Variants in DNAH14 observed in about 807,000 individuals in gnomAD.
The protein encoded by DNAH14 is axonemal beta dynein heavy chain 14.
DNAH14 carries 478 observed loss-of-function variants against 520.9 expected under a neutral mutation model. The ratio of observed to expected loss-of-function variants is 0.92; its 90% CI spans 0.85 to 0.99. DNAH14 has a LOEUF of 0.99. DNAH14 is among the 50% of genes least tolerant of loss of function. DNAH14 has a pLI of 0.00. For missense variants in DNAH14, 4,831 were observed against 5,234.5 expected, an observed-to-expected ratio of 0.92 and a Z score of 2.38; for synonymous variants, 1,581 against 1,757.2, an observed-to-expected ratio of 0.90 and a Z score of 2.51.
At chr1:225,225,906 C>T (rs754574692) in intron 41 of DNAH14, among the ~76,000 whole-genome samples, 7 of 152,100 alleles carry the variant, frequency 4.6e-5, no homozygotes, top group East Asian at 1.9e-4. Context: ...CTACAGGACC[C>T]GCAGTCCCAG....
In DNAH14 at chr1:225,266,670, G is replaced by T; in HGVS notation, c.7440G>T (p.Met2480Ile). 1 of 1,505,726 alleles carries T rather than the reference G, an allele frequency of 6.6e-7. No individual in the cohort carries two copies. The highest frequency in any genetic ancestry group is 8.8e-7 in the Non-Finnish European group (1 of 1,132,538). The allele number at this position is 1,505,726 out of a possible 1,614,324, so 93.3% of individuals were successfully genotyped here. ...RILIFIDDMN[M>I]PVSDMYGAQP... ...TAATATTTATTGATGATATGAATAT[G>T]CCAGTATCAGATATGTATGGAGCAC... Residue 2480 changes from methionine to isoleucine, a missense_variant, in exon 49 of 86, where the codon ATG becomes ATT. Met to Ile is a conservative substitution (Grantham distance 10, BLOSUM62 1). Transcript: ENST00000682510.
At chr1:225,156,310 A>G (rs2081035420) in intron 34 of DNAH14, among the ~76,000 whole-genome samples, 1 of 152,226 alleles carries the variant, frequency 6.6e-6, no homozygotes, top group Non-Finnish European at 1.5e-5. Flanking sequence ...TTAAAAAAAC[A>G]GAAATGTATT....
At chr1:225,107,648 A>G (rs1573148498) in intron 23 of DNAH14, among the ~76,000 whole-genome samples, 2 of 152,218 alleles carry the variant, frequency 1.3e-5, no homozygotes, top group African/African-American at 4.8e-5. Context: ...CAGGAACCCC[A>G]CCTGCCATGG....
At chr1:225,139,319 C>T (rs765016979) in intron 27 of DNAH14, among the ~76,000 whole-genome samples, 3 of 152,308 alleles carry the variant, frequency 2.0e-5, no homozygotes, top group Middle Eastern at 3.4e-3. Context: ...CCTGGTCTTC[C>T]AAACATGCTT....
chr1:225,214,141 C>T (rs1260198588), intron 41 of DNAH14, among the ~76,000 whole-genome samples: 1 of 151,990 alleles, frequency 6.6e-6, no homozygotes, highest in East Asian at 1.9e-4. Context: ...TTTTCGAAGG[C>T]CTTTTCTGTA....
intron 66 of DNAH14, among the ~76,000 whole-genome samples, chr1:225,336,641 C>T (rs971053789): frequency 2.6e-5 from 4 of 152,134 alleles, no homozygotes; most frequent in Non-Finnish European, 4.4e-5. Context: ...GCACTGTAGC[C>T]TATACCTGCA....
At chr1:225,112,726 A>G (rs906867025) in intron 23 of DNAH14, among the ~76,000 whole-genome samples, 19 of 151,784 alleles carry the variant, frequency 1.3e-4, no homozygotes, top group Non-Finnish European at 2.2e-4. Flanking sequence ...CTTCAAGCTC[A>G]CTAATTCTCT....
At chr1:225,389,684 G>A (rs2150828750) in intron 82 of DNAH14, 50 bp from the exon 83 acceptor site, 2 of 1,541,440 alleles carry the variant, frequency 1.3e-6, no homozygotes, top group Non-Finnish European at 1.8e-6. Flanking sequence ...ACCCAAAGGT[G>A]TGCAATTATT....
At position 225,152,888 on chromosome 1, in the gene DNAH14, A is replaced by T; in HGVS notation, c.5196+5A>T. On this transcript the variant is annotated splice_donor_5th_base_variant and intron_variant, in intron 33 of 85. Coordinates refer to ENST00000682510, the MANE Select transcript of DNAH14 (RefSeq NM_001367479.1). The stretch of plus-strand genomic sequence containing the variant: ...CGCAAACAGCTCTCACAACAGGTAA[A>T]TAGCTACTTTTCTCAAAATATTTAA... The T allele has an allele frequency of 1.3e-6, 2 of 1,544,000 alleles. No individual in the cohort carries two copies. Among genetic ancestry groups the T allele is most frequent in the Non-Finnish European group, 1.7e-6 (2 of 1,145,330 alleles).
Position 225,367,879 on chromosome 1 carries a change from A to G in DNAH14, c.12165A>G (p.Val4055=), listed in dbSNP as rs2095572980. ...TTGGATGTACTGGGAGTGGAGAGGT[A>G]ACAGAAGAGATATTTGAAAATCCTG... The part of the protein sequence containing the change: ...QTFGCTGSGE[V]TEEIFENPDC... Residue 4055 remains valine (V), a synonymous_variant, in exon 77 of 86, where the codon GTA becomes GTG. Coordinates refer to ENST00000682510, the MANE Select transcript of DNAH14 (RefSeq NM_001367479.1). The G allele has an allele frequency of 1.3e-6, 2 of 1,551,650 alleles. No individual in the cohort carries two copies. Among genetic ancestry groups the G allele is most frequent in the Non-Finnish European group, 1.7e-6 (2 of 1,146,924 alleles).
intron 72 of DNAH14, among the ~76,000 whole-genome samples, chr1:225,352,772 T>C (rs548541810): frequency 2.0e-5 from 3 of 152,216 alleles, no homozygotes; most frequent in East Asian, 1.9e-4. Flanking sequence ...ATAGTACCTA[T>C]GCTATATGCG....
chr1:225,129,238 C>G lies in DNAH14; in HGVS notation c.4254+5624C>G, dbSNP rs527674270. On this transcript the variant is annotated intron_variant, in intron 27 of 85. Transcript: ENST00000682510. ...AATCAATATCATGAAAATGGCCATA[C>G]TGCCCAAGGTAATTTATAGATTCAA... Among the ~76,000 whole-genome samples the G allele has an allele frequency of 2.0e-3, 303 of 152,244 alleles. 1 individual carries two copies. Among genetic ancestry groups the G allele is most frequent in the Non-Finnish European group, 3.1e-3 (212 of 68,026 alleles).
Position 225,242,667 on chromosome 1 carries a change from A to C in DNAH14, c.6748+1845A>C, listed in dbSNP as rs138740827. Among the ~76,000 whole-genome samples the C allele has an allele frequency of 1.7e-3, 263 of 152,306 alleles. 4 individuals carry two copies. In the East Asian group the frequency reaches 0.029, roughly 17 times the overall value. On this transcript the variant is annotated intron_variant, in intron 43 of 85. Coordinates refer to ENST00000682510, the MANE Select transcript of DNAH14 (RefSeq NM_001367479.1). ...TTTTATATATAAATAGAAGGAGTGC[A>C]CTCTAAAATAATGATAAAAAGTATA...
At chr1:225,308,083 A>T (rs2094286677) in intron 59 of DNAH14, among the ~76,000 whole-genome samples, 1 of 152,218 alleles carries the variant, frequency 6.6e-6, no homozygotes, top group African/African-American at 2.4e-5. Context: ...GGCGCAGCTG[A>T]GAGCTGGCCA....
At chr1:225,094,818 C>CAAAAA (rs140729760) in intron 21 of DNAH14, among the ~76,000 whole-genome samples, 1 of 91,174 alleles carries the variant, frequency 1.1e-5, no homozygotes, top group Non-Finnish European at 2.8e-5. Flanking sequence ...CATTTACAGG[C>CAAAAA]AAAAAAAAAA....
chr1:225,211,906 ATTT>A (rs1214231454), intron 41 of DNAH14, among the ~76,000 whole-genome samples: 1 of 150,966 alleles, frequency 6.6e-6, no homozygotes, highest in East Asian at 1.9e-4. Flanking sequence ...TTATTTATTT[ATTT>A]ATTTATTTTT....
chr1:224,960,268 T>C lies in DNAH14; in HGVS notation c.333T>C (p.Val111=), dbSNP rs778651963. 1 of 1,610,514 alleles carries C rather than the reference T, an allele frequency of 6.2e-7. No individual in the cohort carries two copies. The highest frequency in any genetic ancestry group is 2.2e-5 in the East Asian group (1 of 44,772). The stretch of plus-strand genomic sequence containing the variant: ...ATCAAACTCATGCTTGTCCAAATGT[T>C]AGGAAAGCCAGGCCTGTGTCCTATG... ...KKDQTHACPN[V]RKARPVSYDR... is the part of the protein sequence containing the mutation. Residue 111 remains valine (V), a synonymous_variant, in exon 4 of 86, where the codon GTT becomes GTC. Coordinates refer to ENST00000682510, the MANE Select transcript of DNAH14 (RefSeq NM_001367479.1).
intron 32 of DNAH14, 96 bp downstream of exon 32, chr1:225,152,169 C>T: frequency 4.7e-6 from 5 of 1,056,658 alleles, no homozygotes; most frequent in Non-Finnish European, 6.8e-6. Flanking sequence ...TGCATCTATC[C>T]ATATATCTGT....
chr1:225,139,727 G>T (rs535640972), intron 27 of DNAH14, among the ~76,000 whole-genome samples: 1 of 152,308 alleles, frequency 6.6e-6, no homozygotes, highest in Non-Finnish European at 1.5e-5. Flanking sequence ...GCAGCCTAGG[G>T]AGGGGTCTCC....
Sources: allele counts gnomAD v4.1 joint callset (sites outside exome capture counted in the v4.1 genomes callset), GRCh38; gene constraint gnomAD v4.1.1; transcripts MANE v1.5; gene names NCBI Gene and HGNC (gene_info 2026-07-23, HGNC 2026-07-21).